The following GULP1 variants were observed in gnomAD, a reference collection of about 807,000 sequenced individuals.
GULP1 encodes the protein GULP PTB domain containing engulfment adaptor 1.
GULP1 carries 19 observed loss-of-function variants against 40.9 expected under a neutral mutation model. The ratio of observed to expected loss-of-function variants is 0.46; its 90% confidence interval spans 0.32 to 0.68. GULP1 has a LOEUF of 0.68. Among genes scored for constraint, GULP1 ranks in the 30% least tolerant of loss-of-function variants. The probability of loss-of-function intolerance (pLI) is 0.03; values close to 1 mark genes in which losing one functional copy is unlikely to be tolerated. For synonymous variants in GULP1, 119 were observed against 117.6 expected (o/e 1.01, Z -0.08); for missense variants, 312 against 362.2 (o/e 0.86, Z 1.12).
chr2:188,454,044 G>T (rs1020125513), intron 2 of GULP1, among the ~76,000 whole-genome samples: 1 of 152,152 alleles, frequency 6.6e-6, no homozygotes, highest in Non-Finnish European at 1.5e-5. Context: ...CCCCCCTGCT[G>T]CCTGAGCCTT....
intron 1 of GULP1, among the ~76,000 whole-genome samples, chr2:188,299,173 C>CTAAGGAG (rs562628441): frequency 5.9e-4 from 77 of 130,410 alleles, no homozygotes; most frequent in African/African-American, 2.0e-3. Flanking sequence ...GAGCAGGTGA[C>CTAAGGAG]TAAGGAGGGA....
chr2:188,559,099 A>G (rs1645718678), intron 7 of GULP1, among the ~76,000 whole-genome samples: 2 of 152,222 alleles, frequency 1.3e-5, no homozygotes, highest in South Asian at 2.1e-4. Context: ...CAATGGGGAA[A>G]ATGTCTCCAG....
At chr2:188,536,492 G>T (rs533820029) in intron 6 of GULP1, among the ~76,000 whole-genome samples, 1 of 152,068 alleles carries the variant, frequency 6.6e-6, no homozygotes, top group Non-Finnish European at 1.5e-5. Context: ...AGATCAGATG[G>T]CTGTAGACTT....
intron 2 of GULP1, among the ~76,000 whole-genome samples, chr2:188,468,232 ATT>A (rs934571359): frequency 1.3e-5 from 2 of 152,078 alleles, no homozygotes; most frequent in Non-Finnish European, 2.9e-5. Flanking sequence ...GAAATTATTC[ATT>A]GTTTTTATTT....
chr2:188,577,948 G>A (rs1020475124), intron 9 of GULP1, among the ~76,000 whole-genome samples: 3 of 151,290 alleles, frequency 2.0e-5, no homozygotes, highest in African/African-American at 7.3e-5. Flanking sequence ...ATAATTTTTC[G>A]GGTTTTTTAA....
chr2:188,308,425 T>C (rs1281253428), intron 1 of GULP1, among the ~76,000 whole-genome samples: 4 of 152,172 alleles, frequency 2.6e-5, no homozygotes, highest in Admixed American at 2.0e-4. Flanking sequence ...CTTTTGACCA[T>C]CTTTTCCCCA....
intron 11 of GULP1, chr2:188,592,868 T>G (rs2153478310): frequency 6.6e-6 from 1 of 152,160 alleles, no homozygotes; most frequent in Admixed American, 6.6e-5. Flanking sequence ...AAAGCAGAGG[T>G]GAAAACCAAT....
At chr2:188,428,015 A>G (rs2056423768) in intron 2 of GULP1, among the ~76,000 whole-genome samples, 2 of 152,220 alleles carry the variant, frequency 1.3e-5, no homozygotes, top group South Asian at 4.1e-4. Context: ...GAGCCTACCC[A>G]TTGCATCAGT....
At chr2:188,361,119 T>G (rs1338213536) in intron 1 of GULP1, among the ~76,000 whole-genome samples, 2 of 152,154 alleles carry the variant, frequency 1.3e-5, no homozygotes, top group Non-Finnish European at 2.9e-5. Context: ...GTGCAGCATG[T>G]AAAATACGTT....
chr2:188,326,725 T>C (rs1037546481), intron 1 of GULP1, among the ~76,000 whole-genome samples: 3 of 152,184 alleles, frequency 2.0e-5, no homozygotes, highest in African/African-American at 7.2e-5. Flanking sequence ...GTCGTGTTAA[T>C]GACCTTCTGG....
intron 6 of GULP1, among the ~76,000 whole-genome samples, chr2:188,538,188 A>G (rs545542213): frequency 4.0e-5 from 6 of 151,850 alleles, no homozygotes; most frequent in East Asian, 1.9e-4. Context: ...ATTTCATTCA[A>G]TTCCACTCAG....
intron 5 of GULP1, among the ~76,000 whole-genome samples, chr2:188,526,712 C>T (rs1375392726): frequency 6.6e-6 from 1 of 152,082 alleles, no homozygotes; most frequent in Non-Finnish European, 1.5e-5. Flanking sequence ...AGGCCAATAA[C>T]CAGTGTAAAC....
intron 2 of GULP1, among the ~76,000 whole-genome samples, chr2:188,422,734 A>C (rs1054973025): frequency 6.6e-6 from 1 of 152,114 alleles, no homozygotes; most frequent in East Asian, 1.9e-4. Context: ...GCACATTATA[A>C]ATAAATTTTT....
At chr2:188,317,817 A>G (rs1477653601) in intron 1 of GULP1, among the ~76,000 whole-genome samples, 6 of 151,588 alleles carry the variant, frequency 4.0e-5, no homozygotes, top group Non-Finnish European at 7.4e-5. Context: ...ATATTGTGGC[A>G]TATGTATAGT....
intron 1 of GULP1, among the ~76,000 whole-genome samples, chr2:188,381,590 C>T (rs1330999466): frequency 1.3e-5 from 2 of 152,006 alleles, no homozygotes; most frequent in African/African-American, 4.8e-5. Context: ...AATTATTTAT[C>T]TCGAATTATT....
In GULP1 at chr2:188,352,669, C is replaced by T. The variant is rs1384208258; in HGVS notation, c.-171-31094C>T. Among the ~76,000 whole-genome samples, 11 of 128,746 alleles carry T rather than the reference C, an allele frequency of 8.5e-5. No homozygotes were observed. In the Admixed American group the frequency reaches 8.9e-4, roughly 10 times the overall value. 84.5% of individuals were successfully genotyped at this position (128,746 alleles called of 152,430 possible). On this transcript the variant is annotated intron_variant, in intron 1 of 11. Transcript: ENST00000409830. The stretch of plus-strand genomic sequence containing the variant: ...ACACACGGTTCTGTTTCTTGGAGAA[C>T]CCTGACTAAATAACAGTCATACAGC...
chr2:188,571,941 T>G (rs1699143119), intron 9 of GULP1, among the ~76,000 whole-genome samples: 1 of 152,226 alleles, frequency 6.6e-6, no homozygotes, highest in South Asian at 2.1e-4. Context: ...CCAAACCTGG[T>G]CATTGTGTAA....
chr2:188,483,387 A>T (rs756558812), intron 3 of GULP1, 44 bp from the exon 4 acceptor site: 1 of 922,226 alleles, frequency 1.1e-6, no homozygotes, highest in East Asian at 2.5e-5. Flanking sequence ...TGAATATGAC[A>T]CCATGGAAAC....
At chr2:188,476,951 G>A (rs751759961) in intron 2 of GULP1, among the ~76,000 whole-genome samples, 14 of 151,978 alleles carry the variant, frequency 9.2e-5, no homozygotes, top group Admixed American at 2.0e-4. Flanking sequence ...TATCTCAATT[G>A]GACAACAGTA....
Sources: allele counts gnomAD v4.1 joint callset (sites outside exome capture counted in the v4.1 genomes callset), GRCh38; gene constraint gnomAD v4.1.1; transcripts MANE v1.5; gene names NCBI Gene and HGNC (gene_info 2026-07-23, HGNC 2026-07-21).